The following VPS18 variants were observed in gnomAD, a reference collection of about 807,000 sequenced individuals.
The protein encoded by VPS18 is vacuolar protein sorting-associated protein 18 homolog.
A neutral mutation model predicts 82.0 loss-of-function variants in VPS18; 25 were observed. That is an observed-to-expected ratio of 0.30 (90% CI 0.22 to 0.43). The LOEUF is 0.43. Ranked by LOEUF, VPS18 falls within the 20% of genes least tolerant of loss-of-function variation. The pLI is 1.00. For synonymous variants in VPS18, 523 were observed against 543.0 expected (o/e 0.96, Z 0.51); for missense variants, 1,168 against 1,311.1 (o/e 0.89, Z 1.69).
chr15:40,894,897 T>G, intron 1 of VPS18, 38 bp downstream of exon 1: 9 of 1,529,558 alleles, frequency 5.9e-6, no homozygotes, highest in Non-Finnish European at 7.9e-6. Flanking sequence ...CTTTCGGCTC[T>G]CCTAGCATTT....
rs202034474 is a variant in VPS18 at position 40,899,519 on chromosome 15, G to A, written c.701G>A (p.Arg234Gln). 1.6e-5 allele frequency: 25 copies of A among 1,610,450 alleles called. No individual in the cohort carries two copies. Among genetic ancestry groups the A allele is most frequent in the East Asian group, 6.7e-5 (3 of 44,898 alleles). The change falls in exon 4 of 5, where the codon CGA (arginine) becomes CAA (glutamine). Residue 234 changes from arginine to glutamine, a missense_variant. Physicochemically the swap from Arg to Gln is conservative, Grantham distance 43. Coordinates refer to ENST00000220509, the MANE Select transcript of VPS18 (RefSeq NM_020857.3). The surrounding 1 kb of genome is among the most constrained non-coding windows in gnomAD (Gnocchi z 4.4). ...CAGCGCCTCTTCCAGTTCATAGGCC[G>A]AGCAGCAGAGGGGGCTGAGGCCCAG... ...TRQRLFQFIG[R>Q]AAEGAEAQGF...
chr15:40,900,806 T>C lies in VPS18; in HGVS notation c.1988T>C (p.Ile663Thr), dbSNP rs1258249512. The change falls in exon 4 of 5, where the codon ATC becomes ACC. Residue 663 changes from isoleucine (I) to threonine (T), a missense_variant. Ile to Thr is a moderately conservative substitution (Grantham distance 89). Coordinates refer to ENST00000220509, the MANE Select transcript of VPS18 (RefSeq NM_020857.3). The surrounding 1 kb of genome is among the most constrained non-coding windows in gnomAD (Gnocchi z 5.4). ...VNVLGETEQAIHNYLLSLYAR... is the reference protein window; with the variant it reads ...VNVLGETEQATHNYLLSLYAR... ...GTGCTGGGGGAGACTGAGCAGGCCA[T>C]CCACAACTACCTGCTGTCACTGTAT... The C allele has an allele frequency of 1.2e-6, 2 of 1,614,044 alleles. No individual in the cohort carries two copies. The highest frequency in any genetic ancestry group is 1.7e-6 in the Non-Finnish European group (2 of 1,180,038).
chr15:40,898,841 A>G (rs1360605021), intron 2 of VPS18, 66 bp from the exon 3 acceptor site: 2 of 1,470,866 alleles, frequency 1.4e-6, no homozygotes, highest in South Asian at 2.4e-5. Context: ...CAGATTATTA[A>G]AGAAGATCAT....
At position 40,899,916 on chromosome 15, in the gene VPS18, G is replaced by A. The variant is rs1337948105; in HGVS notation, c.1098G>A (p.Leu366=). 8 of 1,612,490 alleles carry A rather than the reference G, an allele frequency of 5.0e-6. No homozygotes were observed. The highest frequency in any genetic ancestry group is 4.4e-5 in the South Asian group (4 of 91,084). Residue 366 remains leucine, a synonymous_variant, in exon 4 of 5, where the codon CTG becomes CTA. Coordinates refer to ENST00000220509, the MANE Select transcript of VPS18 (RefSeq NM_020857.3). This position sits in a 1 kb window ranked among gnomAD's most constrained non-coding sequence, Gnocchi z 4.4. ...RDHFLEKFGP[L]KHMVKDSSTG... is the part of the protein sequence containing the mutation. ...ACTTCCTGGAGAAATTTGGGCCGCT[G>A]AAGCACATGGTGAAGGACTCCTCCA... is the stretch of plus-strand genomic sequence containing the variant.
In VPS18 at chr15:40,896,665, G is replaced by C. The variant is rs1232084575; in HGVS notation, c.233+586G>C. On this transcript the variant is annotated intron_variant, in intron 2 of 4. Transcript: ENST00000220509. Reference sequence around the variant, plus strand: ...GTTTCTACTAAAAATACAAAAGTTAGCCGGGCGTGGTGGCAGGCGCCTGTA... The same window carrying C: ...GTTTCTACTAAAAATACAAAAGTTACCCGGGCGTGGTGGCAGGCGCCTGTA... Among the ~76,000 whole-genome samples, 4 of 151,732 alleles carry C rather than the reference G, an allele frequency of 2.6e-5. No homozygotes were observed. In the East Asian group the frequency reaches 7.8e-4, roughly 29 times the overall value.
At chr15:40,895,717 G>A (rs976132071) in intron 1 of VPS18, among the ~76,000 whole-genome samples, 4 of 152,168 alleles carry the variant, frequency 2.6e-5, no homozygotes, top group African/African-American at 4.8e-5. Context: ...AGGGTTCAAA[G>A]AATCAACCCC....
Position 40,899,340 on chromosome 15 carries a change from C to T in VPS18, c.522C>T (p.Leu174=), listed in dbSNP as rs774648443. 3.9e-5 allele frequency: 63 copies of T among 1,613,342 alleles called. No individual in the cohort carries two copies. In the Middle Eastern group the frequency reaches 1.6e-3, roughly 42 times the overall value. Residue 174 remains leucine, a synonymous_variant, in exon 4 of 5, where the codon CTC becomes CTT. Transcript: ENST00000220509. This position sits in a 1 kb window ranked among gnomAD's most constrained non-coding sequence, Gnocchi z 4.4. ...AAGGCCACATCTTTGAAGCAGAGCT[C>T]TCAGCCAGCGAAGGTGGGCTTTTCG... ...TAQGHIFEAE[L]SASEGGLFGP...
At position 40,903,244 on chromosome 15, in the gene VPS18, C is replaced by T. The variant is rs774743591; in HGVS notation, c.2825C>T (p.Ala942Val). ...LKADLDELVA[A>V]ECVYCGELMI... ...GCTGACCTGGATGAGTTGGTGGCCG[C>T]TGAGTGTGTGTACTGTGGGGAGCTG... is the stretch of plus-strand genomic sequence containing the variant. The change falls in exon 5 of 5, where the codon GCT becomes GTT. Residue 942 changes from alanine to valine, a missense_variant. Ala to Val is a moderately conservative substitution (Grantham distance 64, BLOSUM62 0). Coordinates refer to ENST00000220509, the MANE Select transcript of VPS18 (RefSeq NM_020857.3). 6.2e-7 allele frequency: 1 copy of T among 1,611,290 alleles called. No homozygotes were observed.
rs760356359 is a variant in VPS18, at chr15:40,899,112, T to C, written c.326-32T>C. 2.1e-5 allele frequency: 34 copies of C among 1,604,846 alleles called. No homozygotes were observed. The highest frequency in any genetic ancestry group is 1.7e-6 in the Non-Finnish European group (2 of 1,173,640). On this transcript the variant is annotated intron_variant, in intron 3 of 4. Transcript: ENST00000220509. This position sits in a 1 kb window ranked among gnomAD's most constrained non-coding sequence, Gnocchi z 4.4. Reference sequence around the variant, plus strand: ...GAGGCTGAGGATGGGAACGGCAGCATCCACTGGGGCGCCATGCTCTCCCCA... The same window carrying C: ...GAGGCTGAGGATGGGAACGGCAGCACCCACTGGGGCGCCATGCTCTCCCCA...
intron 1 of VPS18, 130 bp downstream of exon 1, chr15:40,894,989 C>G (rs2142035133): frequency 1.1e-6 from 1 of 877,548 alleles, no homozygotes; most frequent in Non-Finnish European, 1.7e-6. Context: ...GCCCCTGATT[C>G]TCCTCAGGCT....
In VPS18 at chr15:40,900,848, A is replaced by G. The variant is rs966893545; in HGVS notation, c.2030A>G (p.Asp677Gly). ...LLSLYARGRP[D>G]SLLAYLEQAG... Reference sequence around the variant, plus strand: ...TCACTGTATGCCCGTGGCCGGCCGGACTCACTACTGGCCTATCTGGAGCAG... The same window carrying G: ...TCACTGTATGCCCGTGGCCGGCCGGGCTCACTACTGGCCTATCTGGAGCAG... The change falls in exon 4 of 5, where the codon GAC (aspartate) becomes GGC (glycine). Residue 677 changes from aspartate to glycine, a missense_variant. Physicochemically the swap from Asp to Gly is moderately conservative, Grantham distance 94. Around this residue, in one of 3 missense-constraint regions of VPS18, gnomAD observed 868 missense variants for 939.8 expected, o/e 0.92. Transcript: ENST00000220509. The surrounding 1 kb of genome is among the most constrained non-coding windows in gnomAD (Gnocchi z 5.4). 3 of 1,614,014 alleles carry G rather than the reference A, an allele frequency of 1.9e-6. No individual in the cohort carries two copies. Among genetic ancestry groups the G allele is most frequent in the Non-Finnish European group, 2.5e-6 (3 of 1,179,996 alleles).
Position 40,899,764 on chromosome 15 carries a change from G to C in VPS18, c.946G>C (p.Glu316Gln). Residue 316 changes from glutamate to glutamine, a missense_variant, in exon 4 of 5, where the codon GAG becomes CAG. By Grantham distance (29) the Glu-to-Gln change is conservative. Transcript: ENST00000220509. The surrounding 1 kb of genome is among the most constrained non-coding windows in gnomAD (Gnocchi z 4.4). ...CGAGGAGCGAGTCTGGGAGTACCCA[G>C]AGGGGGTAGGGCCTGGGGCCAGCCC... is the stretch of plus-strand genomic sequence containing the variant. ...LSEERVWEYP[E>Q]GVGPGASPPL... 6.2e-7 allele frequency: 1 copy of C among 1,613,320 alleles called. No individual in the cohort carries two copies. Among genetic ancestry groups the C allele is most frequent in the Non-Finnish European group, 8.5e-7 (1 of 1,180,036 alleles).
chr15:40,900,111 T>A lies in VPS18; in HGVS notation c.1293T>A (p.Asp431Glu), dbSNP rs374798374. The A allele has an allele frequency of 3.0e-4, 487 of 1,613,682 alleles. No homozygotes were observed. The highest frequency in any genetic ancestry group is 4.0e-4 in the Non-Finnish European group (471 of 1,180,026). Reference sequence around the variant, plus strand: ...ACACGGTCCTGGCCCGGGAGGCCGATTTCTGCTTTCGCCAGCGTCGCTACC... The same window carrying A: ...ACACGGTCCTGGCCCGGGAGGCCGAATTCTGCTTTCGCCAGCGTCGCTACC... ...CLDTVLAREA[D>E]FCFRQRRYLE... The change falls in exon 4 of 5, where the codon GAT becomes GAA. Residue 431 changes from aspartate (D) to glutamate (E), a missense_variant. Physicochemically the swap from Asp to Glu is conservative, Grantham distance 45. Coordinates refer to ENST00000220509, the MANE Select transcript of VPS18 (RefSeq NM_020857.3). This position sits in a 1 kb window ranked among gnomAD's most constrained non-coding sequence, Gnocchi z 5.4.
In VPS18 at chr15:40,900,895, G is replaced by C. The variant is rs771170234; in HGVS notation, c.2077G>C (p.Val693Leu). 3 of 1,613,918 alleles carry C rather than the reference G, an allele frequency of 1.9e-6. No homozygotes were observed. Among genetic ancestry groups the C allele is most frequent in the South Asian group, 2.2e-5 (2 of 91,092 alleles). ...GCAGGCTGGGGCCAGCCCCCACCGG[G>C]TGCATTACGACCTCAAGTATGCGCT... ...LEQAGASPHR[V>L]HYDLKYALRL... The change falls in exon 4 of 5, where the codon GTG becomes CTG. Residue 693 changes from valine to leucine, a missense_variant. Around this residue, in one of 3 missense-constraint regions of VPS18, gnomAD observed 868 missense variants for 939.8 expected, o/e 0.92. Coordinates refer to ENST00000220509, the MANE Select transcript of VPS18 (RefSeq NM_020857.3). The surrounding 1 kb of genome is among the most constrained non-coding windows in gnomAD (Gnocchi z 5.4).
intron 4 of VPS18, among the ~76,000 whole-genome samples, chr15:40,901,586 CAA>C (rs112024715): frequency 5.1e-5 from 6 of 117,466 alleles, no homozygotes. Flanking sequence ...GACTCCGTCT[CAA>C]AAAAAAAAAA....
At position 40,900,561 on chromosome 15, in the gene VPS18, G is replaced by C; in HGVS notation, c.1743G>C (p.Glu581Asp). The change falls in exon 4 of 5, where the codon GAG becomes GAC. Residue 581 changes from glutamate to aspartate, a missense_variant. Glu to Asp is a conservative substitution (Grantham distance 45). This residue lies in a region of VPS18 where 868 missense variants were observed against 939.8 expected (regional missense o/e 0.92). Transcript: ENST00000220509. The surrounding 1 kb of genome is among the most constrained non-coding windows in gnomAD (Gnocchi z 5.4). ...ACTGTCAGCACGAGGCCTACGAGGA[G>C]GCCCTGGCCGTGCTCGCCCGCCACC... ...AYHCQHEAYEEALAVLARHRD... is the reference protein window; with the variant it reads ...AYHCQHEAYEDALAVLARHRD... 1 of 1,613,976 alleles carries C rather than the reference G, an allele frequency of 6.2e-7. No homozygotes were observed. Among genetic ancestry groups the C allele is most frequent in the Non-Finnish European group, 8.5e-7 (1 of 1,180,036 alleles).
intron 1 of VPS18, among the ~76,000 whole-genome samples, 172 bp from the exon 2 acceptor site, chr15:40,895,766 A>G (rs1240742744): frequency 1.3e-5 from 2 of 152,118 alleles, no homozygotes; most frequent in Non-Finnish European, 2.9e-5. Flanking sequence ...CCAGACCTCT[A>G]TTGTAAAGGT....
At position 40,900,668 on chromosome 15, in the gene VPS18, T is replaced by G; in HGVS notation, c.1850T>G (p.Met617Arg). Reference sequence around the variant, plus strand: ...CAGCTTGTAGATGCCTGGATTGAGATGGGCAGCCGGCTGGATGCTCGTCAG... The same window carrying G: ...CAGCTTGTAGATGCCTGGATTGAGAGGGGCAGCCGGCTGGATGCTCGTCAG... ...PRQLVDAWIEMGSRLDARQLI... is the reference protein window; with the variant it reads ...PRQLVDAWIERGSRLDARQLI... The change falls in exon 4 of 5, where the codon ATG (methionine) becomes AGG (arginine). Residue 617 changes from methionine (M) to arginine (R), a missense_variant. Met to Arg is a moderately conservative substitution (Grantham distance 91). This residue lies in a region of VPS18 where 868 missense variants were observed against 939.8 expected (regional missense o/e 0.92). Coordinates refer to ENST00000220509, the MANE Select transcript of VPS18 (RefSeq NM_020857.3). The surrounding 1 kb of genome is among the most constrained non-coding windows in gnomAD (Gnocchi z 5.4). 6.2e-7 allele frequency: 1 copy of G among 1,614,158 alleles called. No individual in the cohort carries two copies. Among genetic ancestry groups the G allele is most frequent in the Non-Finnish European group, 8.5e-7 (1 of 1,180,034 alleles).
intron 2 of VPS18, chr15:40,898,624 C>G (rs929768528): frequency 2.4e-5 from 11 of 450,048 alleles, no homozygotes; most frequent in African/African-American, 2.0e-4. Flanking sequence ...GTGTGTACCA[C>G]CACACCTTGC....
Sources: gnomAD v4.1 joint callset for allele counts (sites outside exome capture counted in the v4.1 genomes callset) on GRCh38, gnomAD v4.1.1 for gene constraint, gnomAD v4.1.1 regional missense constraint, Gnocchi (gnomAD v3.1) non-coding constraint, MANE v1.5 for transcripts, NCBI Gene and HGNC (gene_info 2026-07-23, HGNC 2026-07-21) for gene names.